Variants in RAD23B observed in about 807,000 individuals in gnomAD.
RAD23B encodes RAD23 nucleotide excision repair protein B, also known as lysine-specific demethylase RAD23B.
Under a neutral mutation model 49.1 loss-of-function variants are expected in RAD23B, and 5 were observed. The ratio of observed to expected loss-of-function variants is 0.10; its 90% CI spans 0.05 to 0.21. RAD23B has a LOEUF of 0.21. Among genes scored for constraint, RAD23B ranks in the 10% least tolerant of loss-of-function variants. RAD23B has a pLI of 1.00. For missense variants in RAD23B, 356 were observed against 486.7 expected (o/e 0.73, Z 2.53); for synonymous variants, 184 against 165.4 (o/e 1.11, Z -0.86).
chr9:107,284,208 AT>A, intron 1 of RAD23B: 1 of 985,660 alleles, frequency 1.0e-6, no homozygotes, highest in Non-Finnish European at 1.2e-6. Flanking sequence ...GTGAAAATGA[AT>A]TTGCCCCTTT....
intron 1 of RAD23B, among the ~76,000 whole-genome samples, chr9:107,284,368 T>C (rs962598276): frequency 1.9e-4 from 29 of 152,054 alleles, no homozygotes; most frequent in African/African-American, 6.8e-4. Flanking sequence ...CCATCCAGGC[T>C]CAAACTAAAC....
Position 107,324,026 on chromosome 9 carries a change from T to A in RAD23B, c.945+9T>A, listed in dbSNP as rs777472694. 5.0e-6 allele frequency: 8 copies of A among 1,612,738 alleles called. No individual in the cohort carries two copies. Among genetic ancestry groups the A allele is most frequent in the South Asian group, 2.2e-5 (2 of 91,056 alleles). Reference sequence around the variant, plus strand: ...ATCCTCAATTACTTCAGGTGACTAATCAGTGTCAGTTTCACAAGTGATTTA... The same window carrying A: ...ATCCTCAATTACTTCAGGTGACTAAACAGTGTCAGTTTCACAAGTGATTTA... On this transcript the variant is annotated intron_variant, in intron 8 of 9. Coordinates refer to ENST00000358015, the MANE Select transcript of RAD23B (RefSeq NM_002874.5).
chr9:107,292,155 TTATAAA>T (rs1833395401), intron 1 of RAD23B, among the ~76,000 whole-genome samples: 1 of 150,832 alleles, frequency 6.6e-6, no homozygotes, highest in African/African-American at 2.4e-5. Flanking sequence ...TCAAACATAG[TTATAAA>T]TATTCATTTA....
intron 1 of RAD23B, among the ~76,000 whole-genome samples, chr9:107,287,865 G>T (rs1833306537): frequency 1.3e-5 from 2 of 150,924 alleles, no homozygotes; most frequent in Non-Finnish European, 1.5e-5. Context: ...AAAACTGTGT[G>T]TGTATATTGC....
At chr9:107,285,476 T>C (rs899467945) in intron 1 of RAD23B, among the ~76,000 whole-genome samples, 7 of 152,226 alleles carry the variant, frequency 4.6e-5, no homozygotes, top group African/African-American at 1.7e-4. Context: ...ATTGAAGTTA[T>C]GCAGTGACTC....
chr9:107,300,724 G>C (rs1826632909), intron 2 of RAD23B, among the ~76,000 whole-genome samples: 1 of 152,050 alleles, frequency 6.6e-6, no homozygotes, highest in African/African-American at 2.4e-5. Context: ...GATAAGAGTA[G>C]GAATTATACA....
chr9:107,323,956 A>C lies in RAD23B; in HGVS notation c.884A>C (p.Asn295Thr). 6.2e-7 allele frequency: 1 copy of C among 1,612,962 alleles called. No homozygotes were observed. Among genetic ancestry groups the C allele is most frequent in the Non-Finnish European group, 8.5e-7 (1 of 1,178,938 alleles). ...CAGATGAGACAAATTATTCAGCAGAATCCTTCCTTGCTTCCAGCGTTACTA... is the reference window on the plus strand; with the variant it reads ...CAGATGAGACAAATTATTCAGCAGACTCCTTCCTTGCTTCCAGCGTTACTA... ...FQQMRQIIQQ[N>T]PSLLPALLQQ... Residue 295 changes from asparagine (N) to threonine (T), a missense_variant, in exon 8 of 10, where the codon AAT (asparagine) becomes ACT (threonine). Asn to Thr is a moderately conservative substitution (Grantham distance 65). Coordinates refer to ENST00000358015, the MANE Select transcript of RAD23B (RefSeq NM_002874.5).
chr9:107,325,024 T>A lies in RAD23B; in HGVS notation c.1116+20T>A, dbSNP rs760235049. On this transcript the variant is annotated intron_variant, in intron 9 of 9. Transcript: ENST00000358015. ...GAAAGGGTGAGTTTAAGTAAAACTT[T>A]AAAAAAATTAGTTCTTGGCTGGGCT... The A allele has an allele frequency of 2.5e-6, 4 of 1,604,876 alleles. No homozygotes were observed. The highest frequency in any genetic ancestry group is 2.7e-5 in the African/African-American group (2 of 74,550).
intron 2 of RAD23B, among the ~76,000 whole-genome samples, chr9:107,300,958 G>A (rs936186417): frequency 6.6e-6 from 1 of 152,192 alleles, no homozygotes; most frequent in Non-Finnish European, 1.5e-5. Context: ...GAATTCAGAA[G>A]CCTAAAGAAG....
chr9:107,325,622 T>C (rs1827189917), intron 9 of RAD23B, among the ~76,000 whole-genome samples: 1 of 152,212 alleles, frequency 6.6e-6, no homozygotes, highest in South Asian at 2.1e-4. Flanking sequence ...AACTGTTATT[T>C]ATTCATTAAG....
chr9:107,329,140 G>A (rs1387512631), intron 9 of RAD23B, among the ~76,000 whole-genome samples: 2 of 152,092 alleles, frequency 1.3e-5, no homozygotes, highest in African/African-American at 4.8e-5. Context: ...CTATACTGCA[G>A]GTACTCTCAT....
intron 1 of RAD23B, chr9:107,284,147 T>C (rs992320071): frequency 2.0e-6 from 2 of 987,912 alleles, no homozygotes; most frequent in East Asian, 2.2e-4. Flanking sequence ...AGATGAGCCT[T>C]AAGAAAAAAA....
rs1210041175 is a variant in RAD23B at position 107,330,224 on chromosome 9, G to A, written c.*568G>A. On this transcript the variant is annotated 3_prime_UTR_variant, in exon 10 of 10. Coordinates refer to ENST00000358015, the MANE Select transcript of RAD23B (RefSeq NM_002874.5). The surrounding 1 kb of genome is among the most constrained non-coding windows in gnomAD (Gnocchi z 4.4). ...CTTTCATGTTAAATACTTGGGGTGG[G>A]AGGGGAGAAAGGGAACCTTTTCTTA... 6.6e-6 allele frequency: 1 copy of A among 152,606 alleles called. No individual in the cohort carries two copies. Among genetic ancestry groups the A allele is most frequent in the Non-Finnish European group, 1.5e-5 (1 of 68,046 alleles). 9.5% of individuals were successfully genotyped at this position (152,606 alleles called of 1,614,324 possible).
chr9:107,325,711 T>G (rs1827191303), intron 9 of RAD23B, among the ~76,000 whole-genome samples: 2 of 152,216 alleles, frequency 1.3e-5, no homozygotes, highest in African/African-American at 2.4e-5. Flanking sequence ...TTACTTCTTT[T>G]CCAATATGGA....
chr9:107,321,924 C>G lies in RAD23B; in HGVS notation c.682-59C>G. On this transcript the variant is annotated intron_variant, in intron 6 of 9. Coordinates refer to ENST00000358015, the MANE Select transcript of RAD23B (RefSeq NM_002874.5). ...TTAAATAGACTATAAATCTTTTACT[C>G]TGTATAATATTTAATTTTGCATGAT... 2.1e-6 allele frequency: 3 copies of G among 1,450,142 alleles called. No homozygotes were observed. In the African/African-American group the frequency reaches 4.3e-5, roughly 21 times the overall value. 89.8% of individuals were successfully genotyped at this position (1,450,142 alleles called of 1,614,324 possible). A position where few individuals can be genotyped will look rare whatever the true frequency, so the allele number is the denominator to read the frequency against.
chr9:107,285,711 G>A (rs1033515229), intron 1 of RAD23B, among the ~76,000 whole-genome samples: 1 of 152,072 alleles, frequency 6.6e-6, no homozygotes, highest in Non-Finnish European at 1.5e-5. Context: ...TACAGCTTTC[G>A]CTGCTATTTA....
intron 4 of RAD23B, among the ~76,000 whole-genome samples, chr9:107,310,162 T>C (rs567630558): frequency 6.6e-6 from 1 of 152,170 alleles, no homozygotes; most frequent in South Asian, 2.1e-4. Flanking sequence ...AAAATGCTAT[T>C]GAGATCTCAC....
chr9:107,310,498 A>G (rs1189321207), intron 4 of RAD23B, among the ~76,000 whole-genome samples: 1 of 152,234 alleles, frequency 6.6e-6, no homozygotes, highest in East Asian at 1.9e-4. Context: ...TTGTGCCGAC[A>G]TAGAATGATT....
In RAD23B at chr9:107,318,694, A is replaced by T. The variant is rs908048602; in HGVS notation, c.554-58A>T. 20 of 1,528,678 alleles carry T rather than the reference A, an allele frequency of 1.3e-5. No homozygotes were observed. Among genetic ancestry groups the T allele is most frequent in the Non-Finnish European group, 1.8e-5 (20 of 1,113,744 alleles). The allele number at this position is 1,528,678 out of a possible 1,614,324, so 94.7% of individuals were successfully genotyped here. The stretch of plus-strand genomic sequence containing the variant: ...GTTGTATACATGAATCAATAAATGT[A>T]TAGAGAATGCTTATTTATTAAATGT... On this transcript the variant is annotated intron_variant, in intron 5 of 9. Transcript: ENST00000358015. This position sits in a 1 kb window ranked among gnomAD's most constrained non-coding sequence, Gnocchi z 4.3.
Sources: allele counts gnomAD v4.1 joint callset (sites outside exome capture counted in the v4.1 genomes callset), GRCh38; gene constraint gnomAD v4.1.1; non-coding constraint Gnocchi (gnomAD v3.1); transcripts MANE v1.5; gene names NCBI Gene and HGNC (gene_info 2026-07-23, HGNC 2026-07-21).